Variants in CA5A observed in about 807,000 individuals in gnomAD.
CA5A encodes carbonic anhydrase 5A.
A neutral mutation model predicts 37.1 loss-of-function variants in CA5A; 28 were observed. The observed-to-expected ratio is 0.75, with a 90% CI of 0.56 to 1.03. CA5A has a LOEUF of 1.03. Among genes scored for constraint, CA5A ranks in the 50% least tolerant of loss-of-function variants. The pLI is 0.00. For synonymous variants in CA5A, 171 were observed against 158.4 expected, an observed-to-expected ratio of 1.08 and a Z score of -0.60; for missense variants, 444 against 399.9, an observed-to-expected ratio of 1.11 and a Z score of -0.94.
intron 2 of CA5A, among the ~76,000 whole-genome samples, chr16:87,912,401 C>A (rs188943244): frequency 6.6e-6 from 1 of 152,202 alleles, no homozygotes; most frequent in Non-Finnish European, 1.5e-5. Flanking sequence ...GAAGCAGATA[C>A]CACGATTCTC....
chr16:87,914,568 T>C (rs1289778247), intron 2 of CA5A, among the ~76,000 whole-genome samples: 1 of 151,868 alleles, frequency 6.6e-6, no homozygotes, highest in Non-Finnish European at 1.5e-5. Flanking sequence ...CTAGAGCCAC[T>C]CACTGGCCCC....
At chr16:87,897,862 T>C (rs1486970320) in intron 5 of CA5A, among the ~76,000 whole-genome samples, 1 of 152,140 alleles carries the variant, frequency 6.6e-6, no homozygotes, top group Non-Finnish European at 1.5e-5. Flanking sequence ...TGTGATAATT[T>C]ATGTGGAGGG....
chr16:87,920,537 T>TG (rs780924713), intron 2 of CA5A, among the ~76,000 whole-genome samples: 50 of 152,302 alleles, frequency 3.3e-4, no homozygotes, highest in Non-Finnish European at 5.3e-4. Context: ...CTGGAACTCC[T>TG]GACCTCAGAT....
In CA5A at chr16:87,926,714, A is replaced by T. The variant is rs372911336; in HGVS notation, c.340+34T>A. On this transcript the variant is annotated intron_variant, in intron 2 of 6. Transcript: ENST00000649794. ...GACCCTGCTGCCAGAACAACGGGAG[A>T]GGACAAAGCCCTCGAGCCCCAGCTG... 1.7e-5 allele frequency: 27 copies of T among 1,556,090 alleles called. No homozygotes were observed. The African/African-American group carries it at 3.5e-4, about 20-fold the overall frequency.
At chr16:87,924,772 C>T (rs1567534678) in intron 2 of CA5A, among the ~76,000 whole-genome samples, 2 of 152,238 alleles carry the variant, frequency 1.3e-5, no homozygotes, top group Admixed American at 6.5e-5. Context: ...TGAAGGTGAG[C>T]GTGGGGGCAG....
chr16:87,915,817 G>A (rs897080901), intron 2 of CA5A, among the ~76,000 whole-genome samples: 1 of 151,486 alleles, frequency 6.6e-6, no homozygotes, highest in Non-Finnish European at 1.5e-5. Flanking sequence ...ACATGTATTT[G>A]GTAAGCTTTT....
intron 2 of CA5A, among the ~76,000 whole-genome samples, chr16:87,917,772 GCA>G (rs1421996330): frequency 2.2e-5 from 2 of 92,086 alleles, no homozygotes; most frequent in Non-Finnish European, 3.7e-5. Context: ...GTGCACATGT[GCA>G]CACATGCACA....
At chr16:87,899,875 G>A (rs532169349) in intron 5 of CA5A, among the ~76,000 whole-genome samples, 390 of 127,810 alleles carry the variant, frequency 3.1e-3, no homozygotes, top group South Asian at 7.9e-3. Context: ...AGCCGAGGTC[G>A]CACCATTGCA....
intron 2 of CA5A, among the ~76,000 whole-genome samples, chr16:87,912,494 C>T (rs559488038): frequency 6.6e-6 from 1 of 152,314 alleles, no homozygotes; most frequent in Non-Finnish European, 1.5e-5. Context: ...GCCAACCATG[C>T]AAGCATAAAA....
At chr16:87,914,672 G>A (rs920077777) in intron 2 of CA5A, among the ~76,000 whole-genome samples, 3 of 152,028 alleles carry the variant, frequency 2.0e-5, no homozygotes, top group Non-Finnish European at 4.4e-5. Context: ...ACAGCAACAC[G>A]AGGGAACCAC....
rs1225935550 is a variant in CA5A at position 87,900,063 on chromosome 16, C to A, written c.618+1849G>T. Among the ~76,000 whole-genome samples, 5 of 152,106 alleles carry A rather than the reference C, an allele frequency of 3.3e-5. No homozygotes were observed. In the East Asian group the frequency reaches 9.7e-4, roughly 29 times the overall value. On this transcript the variant is annotated intron_variant, in intron 5 of 6. Transcript: ENST00000649794. ...CCCTGTCCCGGGCATCATTCCTCCCCTGTGGTTTGCCTAGAAAATTCTGAC... is the reference window on the plus strand; with the variant it reads ...CCCTGTCCCGGGCATCATTCCTCCCATGTGGTTTGCCTAGAAAATTCTGAC...
intron 2 of CA5A, among the ~76,000 whole-genome samples, chr16:87,920,726 C>T (rs1413693021): frequency 1.3e-5 from 2 of 151,844 alleles, no homozygotes; most frequent in Non-Finnish European, 2.9e-5. Flanking sequence ...TCAAGCAATT[C>T]TTCTGCCTCA....
intron 5 of CA5A, among the ~76,000 whole-genome samples, chr16:87,896,334 G>C (rs1388428704): frequency 2.6e-5 from 4 of 152,212 alleles, no homozygotes; most frequent in Non-Finnish European, 5.9e-5. Flanking sequence ...GGGCTGAGAA[G>C]AGGATGCCTG....
intron 5 of CA5A, 36 bp from the exon 6 acceptor site, chr16:87,891,990 C>T (rs911157652): frequency 2.0e-6 from 3 of 1,495,626 alleles, no homozygotes; most frequent in South Asian, 1.3e-5. Flanking sequence ...TGTCAGTCCT[C>T]AGGGGAGACT....
rs916621113 is a variant in CA5A at position 87,888,292 on chromosome 16, G to A, written c.775-20C>T. On this transcript the variant is annotated intron_variant, in intron 6 of 6. Coordinates refer to ENST00000649794, the MANE Select transcript of CA5A (RefSeq NM_001739.2). Reference sequence around the variant, plus strand: ...AGAGAGCTGGAATAGAGGGCAGCCAGGGTGAGCTTGGTATGAGTGCAGGGT... The same window carrying A: ...AGAGAGCTGGAATAGAGGGCAGCCAAGGTGAGCTTGGTATGAGTGCAGGGT... 27 of 1,604,812 alleles carry A rather than the reference G, an allele frequency of 1.7e-5. No homozygotes were observed. The highest frequency in any genetic ancestry group is 2.3e-5 in the Non-Finnish European group (27 of 1,173,838).
At chr16:87,894,847 C>G (rs1313239163) in intron 5 of CA5A, among the ~76,000 whole-genome samples, 1 of 150,476 alleles carries the variant, frequency 6.6e-6, no homozygotes, top group African/African-American at 2.5e-5. Flanking sequence ...CCATTGCACT[C>G]CAGCCTGGGC....
At chr16:87,902,252 G>A (rs2055889374) in intron 4 of CA5A, among the ~76,000 whole-genome samples, 173 bp downstream of exon 4, 4 of 151,970 alleles carry the variant, frequency 2.6e-5, no homozygotes, top group African/African-American at 9.7e-5. Flanking sequence ...TACTGGGGAG[G>A]CTGAGGCAGG....
intron 2 of CA5A, among the ~76,000 whole-genome samples, chr16:87,921,700 A>T (rs1199582683): frequency 6.6e-6 from 1 of 152,150 alleles, no homozygotes; most frequent in Admixed American, 6.5e-5. Context: ...AGGAGGATGG[A>T]AGCCCAGCCA....
chr16:87,921,384 C>CT (rs1326429628), intron 2 of CA5A, among the ~76,000 whole-genome samples: 12 of 152,254 alleles, frequency 7.9e-5, no homozygotes, highest in Admixed American at 7.8e-4. Flanking sequence ...ATTTCTCCCC[C>CT]TCTTGGCTTT....
Sources: gnomAD v4.1 joint callset for allele counts (sites outside exome capture counted in the v4.1 genomes callset) on GRCh38, gnomAD v4.1.1 for gene constraint, MANE v1.5 for transcripts, NCBI Gene and HGNC (gene_info 2026-07-23, HGNC 2026-07-21) for gene names.